CTNNA3: variants seen among roughly 807,000 people sequenced by gnomAD.
CTNNA3 encodes catenin alpha 3, also known as catenin alpha-3.
In CTNNA3, 76 loss-of-function variants were observed where a neutral mutation model predicts 95.7. The observed-to-expected ratio is 0.79, with a 90% CI of 0.66 to 0.96. The LOEUF is 0.96. Ranked by LOEUF, CTNNA3 falls within the 40% of genes least tolerant of loss-of-function variation. The probability of loss-of-function intolerance (pLI) is 0.00; values close to 1 mark genes in which losing one functional copy is unlikely to be tolerated. For synonymous variants in CTNNA3, 431 were observed against 374.4 expected, an observed-to-expected ratio of 1.15 and a Z score of -1.74; for missense variants, 1,191 against 1,089.8, an observed-to-expected ratio of 1.09 and a Z score of -1.31.
intron 13 of CTNNA3, among the ~76,000 whole-genome samples, chr10:66,274,351 C>T (rs2091347850): frequency 6.6e-6 from 1 of 152,014 alleles, no homozygotes; most frequent in African/African-American, 2.4e-5. Context: ...GGCCACAGGC[C>T]ATACAAAACA....
intron 1 of CTNNA3, among the ~76,000 whole-genome samples, chr10:67,676,896 G>A (rs1250539750): frequency 6.6e-6 from 1 of 152,142 alleles, no homozygotes; most frequent in East Asian, 1.9e-4. Context: ...AACACTTCTA[G>A]GGTAACATAG....
At chr10:67,644,978 T>C (rs1839659939) in intron 2 of CTNNA3, among the ~76,000 whole-genome samples, 1 of 152,278 alleles carries the variant, frequency 6.6e-6, no homozygotes, top group Admixed American at 6.5e-5. Flanking sequence ...TTTCTGTGAC[T>C]CATCTACTTG....
chr10:65,947,705 T>C (rs2077539747), intron 17 of CTNNA3, among the ~76,000 whole-genome samples: 1 of 152,242 alleles, frequency 6.6e-6, no homozygotes, highest in Non-Finnish European at 1.5e-5. Flanking sequence ...TAAACTTTTG[T>C]TGTGTTGAGT....
At chr10:66,087,012 T>C (rs763059030) in intron 14 of CTNNA3, among the ~76,000 whole-genome samples, 2 of 152,136 alleles carry the variant, frequency 1.3e-5, no homozygotes, top group Admixed American at 6.6e-5. Context: ...ATAAATGGCA[T>C]CAGCTGTACC....
At chr10:66,813,828 G>A (rs1218285047) in intron 7 of CTNNA3, among the ~76,000 whole-genome samples, 2 of 101,770 alleles carry the variant, frequency 2.0e-5, no homozygotes, top group African/African-American at 4.3e-5. Context: ...TTTGGGGGAA[G>A]GGCGTGTGTG....
chr10:67,379,375 G>A (rs1843825876), intron 5 of CTNNA3, among the ~76,000 whole-genome samples: 1 of 151,936 alleles, frequency 6.6e-6, no homozygotes, highest in Non-Finnish European at 1.5e-5. Flanking sequence ...TAGTTCACAG[G>A]GCAACTATGA....
intron 1 of CTNNA3, among the ~76,000 whole-genome samples, chr10:67,755,288 C>T (rs1345931249): frequency 6.6e-6 from 1 of 151,720 alleles, no homozygotes; most frequent in South Asian, 2.1e-4. Flanking sequence ...ATCAAAACTA[C>T]AATGAGATAT....
At chr10:66,246,897 C>CA (rs2090351737) in intron 13 of CTNNA3, among the ~76,000 whole-genome samples, 1 of 151,574 alleles carries the variant, frequency 6.6e-6, no homozygotes, top group Admixed American at 6.6e-5. Context: ...CTAAAAAACA[C>CA]AAAAAATTAG....
chr10:66,733,672 G>T (rs971770275), intron 9 of CTNNA3, among the ~76,000 whole-genome samples: 2 of 151,594 alleles, frequency 1.3e-5, no homozygotes, highest in Non-Finnish European at 2.9e-5. Context: ...AGCTTACTCA[G>T]ATGTATATAT....
chr10:67,431,249 G>A (rs1166405333), intron 5 of CTNNA3, among the ~76,000 whole-genome samples: 1 of 152,000 alleles, frequency 6.6e-6, no homozygotes, highest in East Asian at 1.9e-4. Flanking sequence ...GGTTATCAGT[G>A]CAGCTTTATT....
intron 10 of CTNNA3, among the ~76,000 whole-genome samples, chr10:66,567,868 G>C (rs553236027): frequency 6.6e-6 from 1 of 152,218 alleles, no homozygotes; most frequent in Non-Finnish European, 1.5e-5. Context: ...CAGCACAGCA[G>C]TTCTCCAAGT....
At position 66,300,476 on chromosome 10, in the gene CTNNA3, T is replaced by C. The variant is rs539949402; in HGVS notation, c.1733-19855A>G. 1.2e-3 allele frequency among the ~76,000 whole-genome samples: 179 copies of C among 152,132 alleles called. 1 individual carries two copies. Among genetic ancestry groups the C allele is most frequent in the Non-Finnish European group, 2.3e-3 (155 of 68,008 alleles). On this transcript the variant is annotated intron_variant, in intron 12 of 17. Transcript: ENST00000433211. ...GCACGGAAAGGGAGTAGTAGCTTTA[T>C]ACTGAAGAAACATGGCAAGTACTGT...
At chr10:67,738,702 T>C (rs1331372506) in intron 1 of CTNNA3, among the ~76,000 whole-genome samples, 1 of 150,092 alleles carries the variant, frequency 6.7e-6, no homozygotes, top group African/African-American at 2.5e-5. Context: ...AAAAAAAAAT[T>C]AGACGAATGG....
intron 9 of CTNNA3, among the ~76,000 whole-genome samples, chr10:66,763,872 T>C (rs992542777): frequency 6.6e-6 from 1 of 152,176 alleles, no homozygotes; most frequent in Non-Finnish European, 1.5e-5. Flanking sequence ...GAATATGCCA[T>C]TTAGCATGTC....
intron 5 of CTNNA3, among the ~76,000 whole-genome samples, chr10:67,235,792 T>C (rs1231420471): frequency 7.0e-6 from 1 of 143,556 alleles, no homozygotes; most frequent in African/African-American, 2.7e-5. Flanking sequence ...ATCCAGAATC[T>C]ACAATGAACT....
chr10:67,749,829 A>G (rs556946357), intron 1 of CTNNA3, among the ~76,000 whole-genome samples: 119 of 152,334 alleles, frequency 7.8e-4, no homozygotes, highest in African/African-American at 2.7e-3. Flanking sequence ...GAACTGAAGG[A>G]GACAGAGACA....
chr10:67,139,613 C>T, intron 7 of CTNNA3, among the ~76,000 whole-genome samples: 1 of 151,876 alleles, frequency 6.6e-6, no homozygotes, highest in Non-Finnish European at 1.5e-5. Context: ...GGGTTTCACC[C>T]TGTTAACCTG....
chr10:66,389,753 G>C (rs1589180588), intron 11 of CTNNA3, among the ~76,000 whole-genome samples: 1 of 122,102 alleles, frequency 8.2e-6, no homozygotes, highest in African/African-American at 3.2e-5. Context: ...GAGAGAGAGA[G>C]AGAGAGATAA....
In CTNNA3 at chr10:65,966,610, A is replaced by T; in HGVS notation, c.2400+2T>A. ...ATCATGTAAGTGCTAGGCAGTACTCACAGCTGACATGATGAGCTCTCCTCC... is the reference window on the plus strand; with the variant it reads ...ATCATGTAAGTGCTAGGCAGTACTCTCAGCTGACATGATGAGCTCTCCTCC... On this transcript the variant is annotated splice_donor_variant, in intron 17 of 17. Transcript: ENST00000433211. LOFTEE classifies it high-confidence loss of function. 2 of 1,613,042 alleles carry T rather than the reference A, an allele frequency of 1.2e-6. No individual in the cohort carries two copies. The highest frequency in any genetic ancestry group is 4.5e-5 in the East Asian group (2 of 44,836).
Sources: allele counts gnomAD v4.1 joint callset (sites outside exome capture counted in the v4.1 genomes callset), GRCh38; gene constraint gnomAD v4.1.1; transcripts MANE v1.5; gene names NCBI Gene and HGNC (gene_info 2026-07-23, HGNC 2026-07-21).